Variants in CCSER1 observed in about 807,000 individuals in gnomAD.
CCSER1 encodes coiled-coil serine rich protein 1, also known as serine-rich coiled-coil domain-containing protein 1.
A neutral mutation model predicts 82.0 loss-of-function variants in CCSER1; 41 were observed. The ratio of observed to expected loss-of-function variants is 0.50; its 90% CI spans 0.39 to 0.65. CCSER1 has a LOEUF of 0.65. Ranked by LOEUF, CCSER1 falls within the 30% of genes least tolerant of loss-of-function variation. CCSER1 has a pLI of 0.00. For missense variants in CCSER1, 1,119 were observed against 1,064.2 expected (o/e 1.05, Z -0.72); for synonymous variants, 414 against 383.9 (o/e 1.08, Z -0.92).
intron 10 of CCSER1, among the ~76,000 whole-genome samples, chr4:91,546,978 T>C (rs1192178422): frequency 6.6e-6 from 1 of 151,154 alleles, no homozygotes; most frequent in Non-Finnish European, 1.5e-5. Context: ...TTTTCTTTTT[T>C]TTTTTTTTTC....
chr4:91,530,569 G>A (rs1760975808), intron 10 of CCSER1, among the ~76,000 whole-genome samples: 1 of 151,666 alleles, frequency 6.6e-6, no homozygotes, highest in Non-Finnish European at 1.5e-5. Flanking sequence ...TACACAAGCT[G>A]ATTGTTAAAC....
At chr4:91,494,263 C>A (rs1758696937) in intron 10 of CCSER1, among the ~76,000 whole-genome samples, 1 of 151,762 alleles carries the variant, frequency 6.6e-6, no homozygotes, top group Admixed American at 6.6e-5. Context: ...AGACAATGTG[C>A]AAATGTGAAC....
At chr4:90,374,384 T>G (rs1199032763) in intron 3 of CCSER1, among the ~76,000 whole-genome samples, 7 of 152,184 alleles carry the variant, frequency 4.6e-5, no homozygotes, top group South Asian at 2.1e-4. Context: ...GTGCTGGACT[T>G]GTTGCAAATT....
chr4:90,466,967 G>A (rs889325681), intron 4 of CCSER1, among the ~76,000 whole-genome samples: 4 of 152,178 alleles, frequency 2.6e-5, no homozygotes, highest in Non-Finnish European at 4.4e-5. Flanking sequence ...CATTATTAAC[G>A]AAATGTATAA....
intron 5 of CCSER1, among the ~76,000 whole-genome samples, chr4:90,533,134 C>T (rs1251479333): frequency 6.9e-6 from 1 of 145,540 alleles, no homozygotes; most frequent in Non-Finnish European, 1.5e-5. Flanking sequence ...CTCTGTCGCC[C>T]AGACTGGAGT....
At chr4:90,670,027 G>A (rs572554876) in intron 6 of CCSER1, among the ~76,000 whole-genome samples, 1 of 152,178 alleles carries the variant, frequency 6.6e-6, no homozygotes, top group South Asian at 2.1e-4. Context: ...ATTCATGAAT[G>A]AACCTATTCC....
At chr4:91,360,248 T>G (rs928745781) in intron 10 of CCSER1, among the ~76,000 whole-genome samples, 5 of 151,778 alleles carry the variant, frequency 3.3e-5, no homozygotes, top group African/African-American at 1.2e-4. Context: ...ACCAATGCCA[T>G]TTTTCTTCCA....
At chr4:90,861,663 A>C (rs1055709295) in intron 8 of CCSER1, among the ~76,000 whole-genome samples, 1 of 151,698 alleles carries the variant, frequency 6.6e-6, no homozygotes, top group Non-Finnish European at 1.5e-5. Context: ...AAGCATACAA[A>C]ATTCTTGTAG....
intron 10 of CCSER1, among the ~76,000 whole-genome samples, chr4:91,163,979 T>C (rs1349812321): frequency 1.3e-5 from 2 of 152,314 alleles, no homozygotes; most frequent in Non-Finnish European, 2.9e-5. Flanking sequence ...ATTATGATGT[T>C]AGCTGATTAT....
intron 10 of CCSER1, among the ~76,000 whole-genome samples, chr4:91,463,520 G>A (rs1437809614): frequency 4.6e-5 from 7 of 152,202 alleles, no homozygotes; most frequent in Non-Finnish European, 8.8e-5. Context: ...TGACTTTGAC[G>A]AGTTGAGAGA....
intron 6 of CCSER1, among the ~76,000 whole-genome samples, chr4:90,654,466 A>G (rs1305478040): frequency 6.6e-6 from 1 of 152,098 alleles, no homozygotes; most frequent in Admixed American, 6.6e-5. Context: ...TATATGCAAC[A>G]TATTTTTGAA....
At chr4:90,553,746 T>G (rs2153642975) in intron 5 of CCSER1, among the ~76,000 whole-genome samples, 1 of 152,336 alleles carries the variant, frequency 6.6e-6, no homozygotes, top group Non-Finnish European at 1.5e-5. Context: ...TTGAATACTC[T>G]ATTAAAGAGA....
intron 10 of CCSER1, among the ~76,000 whole-genome samples, chr4:91,220,689 G>A (rs1176410471): frequency 6.6e-6 from 1 of 151,982 alleles, no homozygotes. Flanking sequence ...ACATAACCCT[G>A]CAAGCAGTTG....
chr4:90,825,633 A>G (rs1025481234), intron 8 of CCSER1, among the ~76,000 whole-genome samples: 2 of 152,060 alleles, frequency 1.3e-5, no homozygotes, highest in African/African-American at 4.8e-5. Context: ...TTAACAATTT[A>G]TGAATTTGTG....
At chr4:91,168,099 G>GC (rs1352791250) in intron 10 of CCSER1, among the ~76,000 whole-genome samples, 11 of 143,516 alleles carry the variant, frequency 7.7e-5, no homozygotes, top group African/African-American at 2.6e-4. Context: ...CCTCTGCCCA[G>GC]CCCCCCCGTC....
intron 10 of CCSER1, among the ~76,000 whole-genome samples, chr4:91,146,139 T>C (rs1729513758): frequency 6.6e-6 from 1 of 152,214 alleles, no homozygotes; most frequent in Non-Finnish European, 1.5e-5. Context: ...ATTATTTTTA[T>C]GTTCATCTAA....
At chr4:90,370,361 A>T (rs148755070) in intron 3 of CCSER1, 2 of 152,208 alleles carry the variant, frequency 1.3e-5, no homozygotes, top group African/African-American at 4.8e-5. Context: ...TGGAGTCCAT[A>T]AAAAGTATGC....
intron 9 of CCSER1, among the ~76,000 whole-genome samples, chr4:90,942,188 G>A (rs1581161986): frequency 1.3e-5 from 2 of 152,080 alleles, no homozygotes; most frequent in South Asian, 2.1e-4. Context: ...GAGCTCAAGC[G>A]ATCCACCCAC....
intron 6 of CCSER1, among the ~76,000 whole-genome samples, chr4:90,683,626 C>T (rs1376467342): frequency 6.6e-6 from 1 of 152,010 alleles, no homozygotes; most frequent in African/African-American, 2.4e-5. Flanking sequence ...GATTTGGACC[C>T]AACATCTTTT....
Sources: allele counts gnomAD v4.1 joint callset (sites outside exome capture counted in the v4.1 genomes callset), GRCh38; gene constraint gnomAD v4.1.1; transcripts MANE v1.5; gene names NCBI Gene and HGNC (gene_info 2026-07-23, HGNC 2026-07-21).